ADCY3: variants seen among roughly 807,000 people sequenced by gnomAD.
The protein encoded by ADCY3 is adenylate cyclase type 3.
A neutral mutation model predicts 119.4 loss-of-function variants in ADCY3; 70 were observed. The ratio of observed to expected loss-of-function variants is 0.59; its 90% confidence interval spans 0.48 to 0.72. The LOEUF (loss-of-function observed/expected upper bound fraction) is 0.72. Among genes scored for constraint, ADCY3 ranks in the 30% least tolerant of loss-of-function variants. The pLI, the probability that ADCY3 is intolerant of heterozygous loss-of-function variation, is 0.00. For synonymous variants in ADCY3, 672 were observed against 621.4 expected (o/e 1.08, Z -1.21); for missense variants, 1,238 against 1,541.6 (o/e 0.80, Z 3.30).
intron 2 of ADCY3, among the ~76,000 whole-genome samples, chr2:24,900,823 G>T (rs1077640): frequency 0.03 from 4,584 of 152,272 alleles, 97 homozygotes; most frequent in African/African-American, 0.058. Context: ...CCAGCAGTTT[G>T]GGAGGCCGAG....
intron 16 of ADCY3, among the ~76,000 whole-genome samples, chr2:24,825,334 C>CG (rs768838126): frequency 3.7e-4 from 30 of 81,440 alleles, no homozygotes; most frequent in South Asian, 2.8e-3. Flanking sequence ...GTGGTTGTGG[C>CG]GGGGGGGGGG....
At chr2:24,849,810 C>A (rs1371584659) in intron 3 of ADCY3, among the ~76,000 whole-genome samples, 2 of 152,140 alleles carry the variant, frequency 1.3e-5, no homozygotes, top group Non-Finnish European at 2.9e-5. Context: ...CCCCTGCCAC[C>A]CCCCAAGCCT....
At chr2:24,868,371 G>A (rs991247270) in intron 3 of ADCY3, among the ~76,000 whole-genome samples, 1 of 152,168 alleles carries the variant, frequency 6.6e-6, no homozygotes, top group African/African-American at 2.4e-5. Flanking sequence ...GCTGAAAATC[G>A]GTCATCTGAA....
chr2:24,867,396 G>A (rs1379315188), intron 3 of ADCY3, among the ~76,000 whole-genome samples: 1 of 152,212 alleles, frequency 6.6e-6, no homozygotes, highest in Non-Finnish European at 1.5e-5. Flanking sequence ...CTTTAAGAGG[G>A]GATCAGGCCA....
Position 24,878,808 on chromosome 2 carries a change from T to C in ADCY3, c.676-6089A>G, listed in dbSNP as rs1028778232. Among the ~76,000 whole-genome samples the C allele has an allele frequency of 1.3e-5, 2 of 152,158 alleles. No individual in the cohort carries two copies. Among genetic ancestry groups the C allele is most frequent in the African/African-American group, 4.8e-5 (2 of 41,434 alleles). On this transcript the variant is annotated intron_variant, in intron 2 of 21. Coordinates refer to ENST00000679454, the MANE Select transcript of ADCY3 (RefSeq NM_004036.5). The surrounding 1 kb of genome is among the most constrained non-coding windows in gnomAD (Gnocchi z 4.0). The stretch of plus-strand genomic sequence containing the variant: ...GCTGCAGTGGCTCCTTAAGTCCCTA[T>C]GAAATGTCCCTACCCCTCAGAGGCC...
At chr2:24,870,307 C>T (rs1674822124) in intron 3 of ADCY3, among the ~76,000 whole-genome samples, 1 of 129,960 alleles carries the variant, frequency 7.7e-6, no homozygotes. Flanking sequence ...GGTGACAAGA[C>T]CAAGACTCCA....
chr2:24,833,613 C>T (rs1485161734), intron 11 of ADCY3, among the ~76,000 whole-genome samples: 3 of 152,238 alleles, frequency 2.0e-5, no homozygotes, highest in African/African-American at 7.2e-5. Flanking sequence ...CTTCCCCTAC[C>T]AGAACCCAAG....
intron 2 of ADCY3, among the ~76,000 whole-genome samples, chr2:24,876,681 G>GCTGGGTAAGCAGGGCAGCTGCCGTTC (rs1274425247): frequency 1.3e-5 from 2 of 152,170 alleles, no homozygotes; most frequent in Non-Finnish European, 2.9e-5. Flanking sequence ...AGAACTTGAT[G>GCTGGGTAAGCAGGGCAGCTGCCGTTC]CTGGGTAAGC....
chr2:24,860,768 T>C (rs1018631979), intron 3 of ADCY3, among the ~76,000 whole-genome samples: 1 of 152,122 alleles, frequency 6.6e-6, no homozygotes, highest in Non-Finnish European at 1.5e-5. Flanking sequence ...AGGAGGCTGG[T>C]CATCTTCATA....
At chr2:24,862,899 G>A (rs11889210) in intron 3 of ADCY3, among the ~76,000 whole-genome samples, 6,721 of 152,158 alleles carry the variant, frequency 0.044, 482 homozygotes, top group African/African-American at 0.15. Flanking sequence ...GAGAGTTTGA[G>A]TGTCTATGTG....
chr2:24,842,149 T>A lies in ADCY3; in HGVS notation c.956+105A>T, dbSNP rs1268197355. ...ATGCTGTGGGAGGCCTTGCTTCTAG[T>A]CCCTGGAAAACCTCTTGAAGCCCAC... On this transcript the variant is annotated intron_variant, in intron 4 of 21. Coordinates refer to ENST00000679454, the MANE Select transcript of ADCY3 (RefSeq NM_004036.5). This position sits in a 1 kb window ranked among gnomAD's most constrained non-coding sequence, Gnocchi z 4.9. 58 of 1,520,782 alleles carry A rather than the reference T, an allele frequency of 3.8e-5. No homozygotes were observed. Among genetic ancestry groups the A allele is most frequent in the Non-Finnish European group, 4.9e-5 (55 of 1,120,352 alleles). The allele number at this position is 1,520,782 out of a possible 1,614,324, so 94.2% of individuals were successfully genotyped here. A position where few individuals can be genotyped will look rare whatever the true frequency, so the allele number is the denominator to read the frequency against.
intron 3 of ADCY3, among the ~76,000 whole-genome samples, chr2:24,868,916 C>T (rs1234141673): frequency 1.3e-5 from 2 of 151,180 alleles, no homozygotes; most frequent in Non-Finnish European, 2.9e-5. Flanking sequence ...CCCAGCTACT[C>T]GGGAGGCTGA....
At chr2:24,914,789 C>T (rs1664244775) in intron 2 of ADCY3, among the ~76,000 whole-genome samples, 1 of 152,196 alleles carries the variant, frequency 6.6e-6, no homozygotes, top group Admixed American at 6.5e-5. Flanking sequence ...CCTCCCCGCC[C>T]CAGCACAGCC....
intron 3 of ADCY3, among the ~76,000 whole-genome samples, chr2:24,852,265 A>C (rs1478454848): frequency 1.3e-5 from 2 of 152,172 alleles, no homozygotes; most frequent in African/African-American, 4.8e-5. Context: ...CCTCCTCTGC[A>C]ATCCACTGTC....
At chr2:24,907,238 T>G (rs562908797) in intron 2 of ADCY3, among the ~76,000 whole-genome samples, 1 of 150,070 alleles carries the variant, frequency 6.7e-6, no homozygotes, top group African/African-American at 2.5e-5. Flanking sequence ...GAGAGCTGGA[T>G]AGGCAGCTGT....
At chr2:24,853,326 G>A (rs1417073040) in intron 3 of ADCY3, among the ~76,000 whole-genome samples, 2 of 152,162 alleles carry the variant, frequency 1.3e-5, no homozygotes, top group Admixed American at 6.5e-5. Context: ...CTGCCGCAGG[G>A]GAAGGTGCAA....
At chr2:24,866,023 A>G (rs1196701155) in intron 3 of ADCY3, among the ~76,000 whole-genome samples, 1 of 152,172 alleles carries the variant, frequency 6.6e-6, no homozygotes, top group Non-Finnish European at 1.5e-5. Flanking sequence ...GAACCATACA[A>G]CAGTGAGTCT....
intron 2 of ADCY3, among the ~76,000 whole-genome samples, chr2:24,910,586 C>G (rs1041938260): frequency 6.6e-6 from 1 of 152,172 alleles, no homozygotes; most frequent in South Asian, 2.1e-4. Context: ...GTTATCCATT[C>G]CCGAGGAAAA....
chr2:24,902,123 C>T (rs1678988183), intron 2 of ADCY3, among the ~76,000 whole-genome samples: 1 of 148,002 alleles, frequency 6.8e-6, no homozygotes, highest in East Asian at 2.0e-4. Context: ...CTCTGTTACC[C>T]AGGTTGGAGT....
Sources: allele counts gnomAD v4.1 joint callset (sites outside exome capture counted in the v4.1 genomes callset), GRCh38; gene constraint gnomAD v4.1.1; non-coding constraint Gnocchi (gnomAD v3.1); transcripts MANE v1.5; gene names NCBI Gene and HGNC (gene_info 2026-07-23, HGNC 2026-07-21).